PCDHGA8: variants seen among roughly 807,000 people sequenced by gnomAD.
The protein encoded by PCDHGA8 is protocadherin gamma-A8.
Under a neutral mutation model 59.2 loss-of-function variants are expected in PCDHGA8, and 45 were observed. That is an observed-to-expected ratio of 0.76 (90% confidence interval 0.60 to 0.98). PCDHGA8 has a LOEUF of 0.98. PCDHGA8 is among the 50% of genes least tolerant of loss of function. The probability of loss-of-function intolerance (pLI) is 0.00; values close to 1 mark genes in which losing one functional copy is unlikely to be tolerated. For synonymous variants in PCDHGA8, 531 were observed against 519.0 expected (o/e 1.02, Z -0.32); for missense variants, 1,257 against 1,196.2 (o/e 1.05, Z -0.75).
intron 1 of PCDHGA8, chr5:141,422,560 G>T (rs2096656228): frequency 6.2e-7 from 1 of 1,614,032 alleles, no homozygotes; most frequent in East Asian, 2.2e-5. Context: ...GAATGTGGCA[G>T]ATGACAACGA....
intron 2 of PCDHGA8, among the ~76,000 whole-genome samples, chr5:141,501,015 C>T (rs950216755): frequency 6.6e-5 from 10 of 151,866 alleles, no homozygotes; most frequent in African/African-American, 2.4e-4. Context: ...ACTACAGGCA[C>T]GCGCCACCAC....
chr5:141,421,207 A>G (rs1318794693), intron 1 of PCDHGA8: 3 of 1,533,934 alleles, frequency 2.0e-6, no homozygotes, highest in Non-Finnish European at 2.6e-6. Context: ...GAAACCGCGG[A>G]ATATCGGCTT....
At chr5:141,435,884 C>G (rs1020738994) in intron 1 of PCDHGA8, among the ~76,000 whole-genome samples, 9 of 152,070 alleles carry the variant, frequency 5.9e-5, no homozygotes, top group African/African-American at 1.9e-4. Flanking sequence ...ATTGGAAACC[C>G]CTTAGAGAAT....
rs768510925 is a variant in PCDHGA8 at position 141,394,047 on chromosome 5, C to T, written c.1234C>T (p.Arg412Ter). Residue 412 changes from arginine to a stop codon, truncating the protein, a stop_gained, in exon 1 of 4, where the codon CGA becomes TGA. Coordinates refer to ENST00000398604, the MANE Select transcript of PCDHGA8 (RefSeq NM_032088.2). LOFTEE classifies it high-confidence loss of function. Reference sequence around the variant, plus strand: ...ATTAGTGACAAGGAAATATTTGGACCGAGAAAATGTCTCTATCTACAATAT... The same window carrying T: ...ATTAGTGACAAGGAAATATTTGGACTGAGAAAATGTCTCTATCTACAATAT... ...YRLVTRKYLD[R>*]ENVSIYNITV... The T allele has an allele frequency of 5.6e-6, 9 of 1,613,438 alleles. No homozygotes were observed. The Admixed American group carries it at 1.5e-4, about 27-fold the overall frequency.
In PCDHGA8 at chr5:141,487,761, C is replaced by T. The variant is rs1331182183; in HGVS notation, c.2425-7046C>T. Reference sequence around the variant, plus strand: ...GTAAGAGGTAACTATGTGGTAGACGCTGTGCTTTGTAACTGTTTCGTGAAT... The same window carrying T: ...GTAAGAGGTAACTATGTGGTAGACGTTGTGCTTTGTAACTGTTTCGTGAAT... On this transcript the variant is annotated intron_variant, in intron 1 of 3. Coordinates refer to ENST00000398604, the MANE Select transcript of PCDHGA8 (RefSeq NM_032088.2). The surrounding 1 kb of genome is among the most constrained non-coding windows in gnomAD (Gnocchi z 5.0). 3.2e-6 allele frequency: 5 copies of T among 1,545,926 alleles called. No individual in the cohort carries two copies. Among genetic ancestry groups the T allele is most frequent in the South Asian group, 1.2e-5 (1 of 83,534 alleles).
At chr5:141,400,498 A>G (rs1181845890) in intron 1 of PCDHGA8, 2 of 1,614,034 alleles carry the variant, frequency 1.2e-6, no homozygotes, top group Non-Finnish European at 1.7e-6. Flanking sequence ...TTGTAATTCC[A>G]GCGAGTCGAC....
rs112156044 is a variant in PCDHGA8, at chr5:141,476,771, G to A, written c.2425-18036G>A. The A allele has an allele frequency of 6.2e-7, 1 of 1,613,700 alleles. No homozygotes were observed. The highest frequency in any genetic ancestry group is 1.3e-5 in the African/African-American group (1 of 75,036). On this transcript the variant is annotated intron_variant, in intron 1 of 3. Coordinates refer to ENST00000398604, the MANE Select transcript of PCDHGA8 (RefSeq NM_032088.2). The surrounding 1 kb of genome is among the most constrained non-coding windows in gnomAD (Gnocchi z 7.6). ...CCAGTTAGTGCTGACGGCGTTGGAC[G>A]GAGGGACCCCAGCTCTCTCCGCCAG...
chr5:141,421,970 A>C, intron 1 of PCDHGA8: 1 of 1,610,928 alleles, frequency 6.2e-7, no homozygotes, highest in Middle Eastern at 1.7e-4. Flanking sequence ...CAGTCCGTAT[A>C]TCGCGTGAGT....
chr5:141,477,002 G>A lies in PCDHGA8; in HGVS notation c.2425-17805G>A, dbSNP rs770390597. On this transcript the variant is annotated intron_variant, in intron 1 of 3. Coordinates refer to ENST00000398604, the MANE Select transcript of PCDHGA8 (RefSeq NM_032088.2). The surrounding 1 kb of genome is among the most constrained non-coding windows in gnomAD (Gnocchi z 4.9). ...CCGCGCCGGCGTGCGGCAACTATTC[G>A]CCTTAGACCTTGTAACCGGGATGCT... 6.2e-7 allele frequency: 1 copy of A among 1,614,102 alleles called. No homozygotes were observed. The highest frequency in any genetic ancestry group is 1.3e-5 in the African/African-American group (1 of 74,952).
chr5:141,470,869 T>C (rs1215083835), intron 1 of PCDHGA8, among the ~76,000 whole-genome samples: 1 of 151,910 alleles, frequency 6.6e-6, no homozygotes, highest in African/African-American at 2.4e-5. Context: ...TTTGTTTGTT[T>C]GTTTTTTTGT....
At chr5:141,492,487 C>G (rs1031047955) in intron 1 of PCDHGA8, among the ~76,000 whole-genome samples, 1 of 152,222 alleles carries the variant, frequency 6.6e-6, no homozygotes, top group Non-Finnish European at 1.5e-5. Flanking sequence ...CGCCCAGGAC[C>G]AGGCGAGGAC....
chr5:141,431,700 TC>T lies in PCDHGA8; in HGVS notation c.2424+36464del. On this transcript the variant is annotated intron_variant, in intron 1 of 3. Coordinates refer to ENST00000398604, the MANE Select transcript of PCDHGA8 (RefSeq NM_032088.2). The surrounding 1 kb of genome is among the most constrained non-coding windows in gnomAD (Gnocchi z 4.8). ...GAGTTGGACCACGAGGAGTCAGGAT[TC>T]TACCAGATGGAAGTGCAAGCAATGG... 6.2e-7 allele frequency: 1 copy of T among 1,614,218 alleles called. No individual in the cohort carries two copies.
chr5:141,420,911 T>C (rs948220220), intron 1 of PCDHGA8: 6 of 313,968 alleles, frequency 1.9e-5, no homozygotes, highest in Admixed American at 1.8e-4. Flanking sequence ...CAAATACGTG[T>C]GATTCACAAA....
chr5:141,452,533 A>G lies in PCDHGA8; in HGVS notation c.2425-42274A>G, dbSNP rs562306062. ...CACACTCCCTCAAAATCGTGAGTTC[A>G]TATTGATACCTCCAGTTCTGGTTCT... On this transcript the variant is annotated intron_variant, in intron 1 of 3. Transcript: ENST00000398604. Among the ~76,000 whole-genome samples the G allele has an allele frequency of 2.0e-5, 3 of 152,328 alleles. No individual in the cohort carries two copies. The East Asian group carries it at 5.8e-4, about 29-fold the overall frequency.
chr5:141,415,428 G>A, intron 1 of PCDHGA8: 1 of 1,614,206 alleles, frequency 6.2e-7, no homozygotes, highest in Non-Finnish European at 8.5e-7. Flanking sequence ...ACGGGGTTCG[G>A]GCTTTCCTGC....
intron 1 of PCDHGA8, among the ~76,000 whole-genome samples, chr5:141,444,150 GGATTT>G (rs2098419598): frequency 1.8e-5 from 2 of 114,012 alleles, no homozygotes; most frequent in Non-Finnish European, 3.5e-5. Flanking sequence ...TGTGTGTACT[GGATTT>G]TTTTTTTTTT....
chr5:141,441,861 C>T (rs3805696), intron 1 of PCDHGA8: 35,405 of 342,650 alleles, frequency 0.1, 2,215 homozygotes, highest in African/African-American at 0.17. Context: ...TGCTGCACGC[C>T]GCGGAGCCTG....
intron 1 of PCDHGA8, among the ~76,000 whole-genome samples, chr5:141,435,451 CTGTA>C: frequency 6.6e-6 from 1 of 152,258 alleles, no homozygotes; most frequent in Non-Finnish European, 1.5e-5. Context: ...AATACGATAT[CTGTA>C]TGTGTTTCCA....
intron 2 of PCDHGA8, among the ~76,000 whole-genome samples, chr5:141,497,293 C>T (rs1270907262): frequency 6.6e-6 from 1 of 152,136 alleles, no homozygotes. Flanking sequence ...TACCTACCAC[C>T]ACCCCAGGCC....
Sources: gnomAD v4.1 joint callset for allele counts (sites outside exome capture counted in the v4.1 genomes callset) on GRCh38, gnomAD v4.1.1 for gene constraint, Gnocchi (gnomAD v3.1) non-coding constraint, MANE v1.5 for transcripts, NCBI Gene and HGNC (gene_info 2026-07-23, HGNC 2026-07-21) for gene names.